Variants in CPNE8 observed in about 807,000 individuals in gnomAD.
CPNE8 encodes the protein copine-8.
A neutral mutation model predicts 81.5 loss-of-function variants in CPNE8; 45 were observed. That is an observed-to-expected ratio of 0.55 (90% CI 0.44 to 0.71). The LOEUF (loss-of-function observed/expected upper bound fraction) is 0.71, where lower values mean the gene tolerates loss of function less well. Among genes scored for constraint, CPNE8 ranks in the 30% least tolerant of loss-of-function variants. CPNE8 has a pLI of 0.00. For synonymous variants in CPNE8, 252 were observed against 226.3 expected (o/e 1.11, Z -1.02); for missense variants, 594 against 672.1 (o/e 0.88, Z 1.28).
At chr12:38,674,165 G>A (rs1215932696) in intron 18 of CPNE8, among the ~76,000 whole-genome samples, 1 of 152,120 alleles carries the variant, frequency 6.6e-6, no homozygotes, top group Non-Finnish European at 1.5e-5. Context: ...GTGGCTATTG[G>A]ATAAGGGCAG....
chr12:38,695,039 C>A (rs987920655), intron 14 of CPNE8, among the ~76,000 whole-genome samples: 1 of 152,090 alleles, frequency 6.6e-6, no homozygotes, highest in Non-Finnish European at 1.5e-5. Context: ...CTCCACATAA[C>A]AAAATCACTA....
At position 38,693,780 on chromosome 12, in the gene CPNE8, A is replaced by G. The variant is rs747325369; in HGVS notation, c.1020T>C (p.Tyr340=). The G allele has an allele frequency of 6.2e-7, 1 of 1,613,116 alleles. No homozygotes were observed. The highest frequency in any genetic ancestry group is 8.5e-7 in the Non-Finnish European group (1 of 1,179,518). ...HYMNPYQLNA[Y]GMALKAVGEI... Reference sequence around the variant, plus strand: ...CTCCCACTGCTTTTAGTGCCATACCATAGGCATTCAGTTGGTAAGGATTCA... The same window carrying G: ...CTCCCACTGCTTTTAGTGCCATACCGTAGGCATTCAGTTGGTAAGGATTCA... The change falls in exon 15 of 20, where the codon TAT becomes TAC. Residue 340 remains tyrosine, a synonymous_variant. Transcript: ENST00000331366.
At chr12:38,675,396 T>G (rs1313930354) in intron 18 of CPNE8, among the ~76,000 whole-genome samples, 1 of 152,202 alleles carries the variant, frequency 6.6e-6, no homozygotes, top group Non-Finnish European at 1.5e-5. Context: ...AAACTCAATT[T>G]ATCACTCTGT....
intron 3 of CPNE8, among the ~76,000 whole-genome samples, chr12:38,850,471 A>T (rs556355993): frequency 1.1e-4 from 16 of 152,198 alleles, no homozygotes; most frequent in Admixed American, 2.6e-4. Flanking sequence ...AATAGGAGTG[A>T]CTGAGTATAC....
chr12:38,799,469 G>T (rs930812326), intron 6 of CPNE8, among the ~76,000 whole-genome samples: 1 of 152,012 alleles, frequency 6.6e-6, no homozygotes, highest in African/African-American at 2.4e-5. Context: ...GGAAATGAAG[G>T]CAGAAAAAAA....
At chr12:38,723,716 T>A (rs1340891634) in intron 13 of CPNE8, 56 bp downstream of exon 13, 18 of 1,087,426 alleles carry the variant, frequency 1.7e-5, no homozygotes, top group Non-Finnish European at 2.4e-5. Context: ...GTAGCGCTTG[T>A]TACACAAATT....
chr12:38,718,338 T>C (rs997821550), intron 13 of CPNE8, among the ~76,000 whole-genome samples: 2 of 152,180 alleles, frequency 1.3e-5, no homozygotes, highest in Non-Finnish European at 2.9e-5. Flanking sequence ...GTTTTTTCTT[T>C]AGTTGAAAAT....
intron 13 of CPNE8, among the ~76,000 whole-genome samples, chr12:38,705,181 GAC>G (rs919370562): frequency 4.7e-4 from 71 of 151,942 alleles, no homozygotes; most frequent in African/African-American, 1.7e-3. Context: ...AATTACTTTT[GAC>G]ACACAGCACA....
intron 15 of CPNE8, among the ~76,000 whole-genome samples, chr12:38,689,452 C>T (rs1939617925): frequency 1.3e-5 from 2 of 152,284 alleles, no homozygotes; most frequent in South Asian, 2.1e-4. Flanking sequence ...TGAAAAGAAG[C>T]TCTTAGGGGC....
intron 6 of CPNE8, among the ~76,000 whole-genome samples, chr12:38,796,694 G>C (rs536486860): frequency 6.6e-6 from 1 of 152,118 alleles, no homozygotes; most frequent in Non-Finnish European, 1.5e-5. Flanking sequence ...CACAGTGGGC[G>C]CAGGACAGTG....
intron 3 of CPNE8, among the ~76,000 whole-genome samples, chr12:38,865,216 G>A (rs1943897568): frequency 6.6e-6 from 1 of 152,288 alleles, no homozygotes; most frequent in South Asian, 2.1e-4. Flanking sequence ...GGAAAGTTAT[G>A]GAAAACCATT....
intron 10 of CPNE8, among the ~76,000 whole-genome samples, chr12:38,739,477 G>A (rs1394185103): frequency 6.6e-6 from 1 of 152,050 alleles, no homozygotes; most frequent in Non-Finnish European, 1.5e-5. Context: ...AATATGCATA[G>A]TAGGTAACTT....
chr12:38,701,385 A>G (rs1475728915), intron 14 of CPNE8, among the ~76,000 whole-genome samples: 2 of 152,190 alleles, frequency 1.3e-5, no homozygotes, highest in East Asian at 1.9e-4. Context: ...TTTTTATTTA[A>G]TAATTTCTTG....
intron 6 of CPNE8, among the ~76,000 whole-genome samples, chr12:38,782,849 G>GT (rs1319964297): frequency 3.3e-5 from 5 of 151,664 alleles, no homozygotes; most frequent in Admixed American, 6.6e-5. Context: ...CTCAGCTAAC[G>GT]TTTTTTCATT....
chr12:38,727,986 C>T (rs542572878), intron 11 of CPNE8, among the ~76,000 whole-genome samples: 8 of 152,212 alleles, frequency 5.3e-5, no homozygotes, highest in African/African-American at 9.6e-5. Context: ...CTGCTGATCA[C>T]GGAGCTAACC....
At chr12:38,715,757 A>T (rs990772413) in intron 13 of CPNE8, among the ~76,000 whole-genome samples, 2 of 152,128 alleles carry the variant, frequency 1.3e-5, no homozygotes. Context: ...CACTTTCACC[A>T]CTTCTATTCA....
At chr12:38,843,815 T>G (rs940733526) in intron 4 of CPNE8, among the ~76,000 whole-genome samples, 1 of 151,990 alleles carries the variant, frequency 6.6e-6, no homozygotes, top group Non-Finnish European at 1.5e-5. Flanking sequence ...CGCCTACCTT[T>G]TTGCATTCCC....
intron 5 of CPNE8, among the ~76,000 whole-genome samples, chr12:38,833,243 C>T (rs1943320355): frequency 1.3e-5 from 2 of 149,988 alleles, no homozygotes; most frequent in African/African-American, 4.9e-5. Context: ...ATCCCAACTA[C>T]TTGGGAGGCT....
chr12:38,777,830 G>A (rs1941967259), intron 6 of CPNE8, among the ~76,000 whole-genome samples: 1 of 152,172 alleles, frequency 6.6e-6, no homozygotes, highest in South Asian at 2.1e-4. Context: ...GCACCAGCAA[G>A]CTGAGCCTCA....
Sources: allele counts gnomAD v4.1 joint callset (sites outside exome capture counted in the v4.1 genomes callset), GRCh38; gene constraint gnomAD v4.1.1; transcripts MANE v1.5; gene names NCBI Gene and HGNC (gene_info 2026-07-23, HGNC 2026-07-21).